The following GRIA2 variants were observed in gnomAD, a reference collection of about 807,000 sequenced individuals.
GRIA2 encodes the protein glutamate ionotropic receptor AMPA type subunit 2, also known as glutamate receptor 2.
Under a neutral mutation model 97.3 loss-of-function variants are expected in GRIA2, and 14 were observed. That is an observed-to-expected ratio of 0.14 (90% CI 0.10 to 0.23). The LOEUF (loss-of-function observed/expected upper bound fraction) is 0.23. Ranked by LOEUF, GRIA2 falls within the 10% of genes least tolerant of loss-of-function variation. The pLI, the probability that GRIA2 is intolerant of heterozygous loss-of-function variation, is 1.00. For missense variants in GRIA2, 558 were observed against 1,069.8 expected, an observed-to-expected ratio of 0.52 and a Z score of 6.67; for synonymous variants, 412 against 387.8, an observed-to-expected ratio of 1.06 and a Z score of -0.73.
chr4:157,245,752 G>A (rs1730704855), intron 2 of GRIA2, among the ~76,000 whole-genome samples: 1 of 152,036 alleles, frequency 6.6e-6, no homozygotes, highest in Non-Finnish European at 1.5e-5. Context: ...TTCTTGTCAA[G>A]GAGTTTTGCC....
At chr4:157,342,585 T>C (rs1735595658) in intron 12 of GRIA2, 1 of 304,828 alleles carries the variant, frequency 3.3e-6, no homozygotes, top group African/African-American at 2.3e-5. Context: ...AAATGTATTA[T>C]CATTTCTAAA....
At chr4:157,230,351 T>G (rs2126690465) in intron 2 of GRIA2, among the ~76,000 whole-genome samples, 1 of 152,278 alleles carries the variant, frequency 6.6e-6, no homozygotes, top group African/African-American at 2.4e-5. Flanking sequence ...GGAAAATATT[T>G]TTTTCCTTAT....
chr4:157,322,126 A>G (rs1211454635), intron 6 of GRIA2, among the ~76,000 whole-genome samples: 3 of 152,056 alleles, frequency 2.0e-5, no homozygotes, highest in African/African-American at 7.2e-5. Context: ...AATAGGTGTC[A>G]GTTTGTTCCT....
At chr4:157,359,275 T>G (rs2126997056) in intron 12 of GRIA2, among the ~76,000 whole-genome samples, 1 of 152,296 alleles carries the variant, frequency 6.6e-6, no homozygotes, top group Non-Finnish European at 1.5e-5. Flanking sequence ...TATCTTGAAA[T>G]AAATAGGATT....
At chr4:157,285,123 G>T (rs1001760826) in intron 2 of GRIA2, among the ~76,000 whole-genome samples, 1 of 151,510 alleles carries the variant, frequency 6.6e-6, no homozygotes, top group African/African-American at 2.4e-5. Context: ...GATATGGCAG[G>T]GTACCTCAAT....
At chr4:157,293,086 A>T (rs564010190) in intron 2 of GRIA2, among the ~76,000 whole-genome samples, 131 of 152,286 alleles carry the variant, frequency 8.6e-4, no homozygotes, top group African/African-American at 3.1e-3. Context: ...TTACACACAA[A>T]AAGTTATTTT....
chr4:157,271,621 A>G (rs1732026820), intron 2 of GRIA2, among the ~76,000 whole-genome samples: 1 of 152,092 alleles, frequency 6.6e-6, no homozygotes, highest in Non-Finnish European at 1.5e-5. Context: ...TTGAATTTTT[A>G]TGGAGGATTC....
At chr4:157,269,905 C>T (rs182813589) in intron 2 of GRIA2, among the ~76,000 whole-genome samples, 2 of 151,836 alleles carry the variant, frequency 1.3e-5, no homozygotes, top group African/African-American at 4.8e-5. Flanking sequence ...TTCTTTTATG[C>T]TCATATATAA....
At chr4:157,227,148 C>G (rs539698608) in intron 2 of GRIA2, among the ~76,000 whole-genome samples, 3 of 152,204 alleles carry the variant, frequency 2.0e-5, no homozygotes, top group African/African-American at 7.2e-5. Flanking sequence ...AAAATTTATT[C>G]TTATGCTATG....
intron 11 of GRIA2, among the ~76,000 whole-genome samples, chr4:157,339,135 A>C (rs1023744914): frequency 6.6e-6 from 1 of 151,976 alleles, no homozygotes; most frequent in African/African-American, 2.4e-5. Flanking sequence ...GAAGAATAGA[A>C]TCACAGAAAT....
At chr4:157,293,297 C>A (rs1381033910) in intron 2 of GRIA2, among the ~76,000 whole-genome samples, 2 of 152,110 alleles carry the variant, frequency 1.3e-5, no homozygotes, top group Non-Finnish European at 2.9e-5. Context: ...TCTGAACAAT[C>A]TAAATATCTT....
intron 6 of GRIA2, among the ~76,000 whole-genome samples, chr4:157,325,601 CTT>C (rs1431521008): frequency 2.0e-5 from 3 of 152,166 alleles, no homozygotes; most frequent in Non-Finnish European, 4.4e-5. Flanking sequence ...CAAAACTAAA[CTT>C]ATGATTTTCC....
chr4:157,221,857 C>CGAGTGTG lies in GRIA2; in HGVS notation c.229+51_229+57dup, dbSNP rs761153861. ...TCGGGTGCTGCACGCGGAAGGCCAG[C>CGAGTGTG]GAGTGTGAGTGTGTGTGTGCGTTTC... On this transcript the variant is annotated intron_variant, in intron 2 of 15. Transcript: ENST00000264426. 1.7e-5 allele frequency: 26 copies of CGAGTGTG among 1,562,922 alleles called. No homozygotes were observed. The South Asian group carries it at 2.5e-4, about 15-fold the overall frequency.
intron 2 of GRIA2, among the ~76,000 whole-genome samples, chr4:157,270,796 G>C (rs1044935210): frequency 6.6e-6 from 1 of 152,058 alleles, no homozygotes; most frequent in Non-Finnish European, 1.5e-5. Context: ...GAAGCATTGA[G>C]GTTAATCTTG....
chr4:157,256,533 C>A (rs1731283295), intron 2 of GRIA2, among the ~76,000 whole-genome samples: 1 of 151,382 alleles, frequency 6.6e-6, no homozygotes, highest in African/African-American at 2.4e-5. Flanking sequence ...CAACTTAAAT[C>A]ATGATCTTAG....
rs70958818 is a variant in GRIA2 at position 157,338,008 on chromosome 4, GTATATATATATATATATA to G, written c.1844+1286_1844+1303del. Among the ~76,000 whole-genome samples, 51 of 79,326 alleles carry G rather than the reference GTATATATATATATATATA, an allele frequency of 6.4e-4. No individual in the cohort carries two copies. In the East Asian group the frequency reaches 0.011, roughly 18 times the overall value. 52.0% of individuals were successfully genotyped at this position (79,326 alleles called of 152,430 possible). On this transcript the variant is annotated intron_variant, in intron 11 of 15. Coordinates refer to ENST00000264426, the MANE Select transcript of GRIA2 (RefSeq NM_001083619.3). ...ATGACATATGTGTGTATATATATGT[GTATATATATATATATATA>G]TATATATATATATATATATATATAC...
At chr4:157,348,310 G>T (rs1735851801) in intron 12 of GRIA2, among the ~76,000 whole-genome samples, 1 of 152,026 alleles carries the variant, frequency 6.6e-6, no homozygotes, top group South Asian at 2.1e-4. Flanking sequence ...GCAGTGCAGT[G>T]GCATGGTAAT....
chr4:157,332,392 A>T (rs1351087714), intron 6 of GRIA2, among the ~76,000 whole-genome samples: 1 of 152,068 alleles, frequency 6.6e-6, no homozygotes, highest in Non-Finnish European at 1.5e-5. Context: ...AAGAATCCTG[A>T]AAGTAATCCA....
intron 12 of GRIA2, among the ~76,000 whole-genome samples, chr4:157,355,981 T>TAATA (rs1190405410): frequency 0.22 from 16,385 of 73,980 alleles, 2,689 homozygotes; most frequent in African/African-American, 0.42. Flanking sequence ...ATATATATAT[T>TAATA]TATATATTTA....
Sources: gnomAD v4.1 joint callset for allele counts (sites outside exome capture counted in the v4.1 genomes callset) on GRCh38, gnomAD v4.1.1 for gene constraint, MANE v1.5 for transcripts, NCBI Gene and HGNC (gene_info 2026-07-23, HGNC 2026-07-21) for gene names.